Variants in COMMD6 observed in about 807,000 individuals in gnomAD.
COMMD6 encodes the protein COMM domain-containing protein 6.
A neutral mutation model predicts 13.4 loss-of-function variants in COMMD6; 11 were observed. That is an observed-to-expected ratio of 0.82 (90% CI 0.52 to 1.36). The LOEUF (loss-of-function observed/expected upper bound fraction) is 1.36. Among genes scored for constraint, COMMD6 ranks in the 40% most tolerant of loss-of-function variants. The pLI, the probability that COMMD6 is intolerant of heterozygous loss-of-function variation, is 0.00. For missense variants in COMMD6, 124 were observed against 102.4 expected (o/e 1.21, Z -0.91); for synonymous variants, 43 against 36.5 (o/e 1.18, Z -0.64).
upstream of COMMD6, chr13:75,537,930 G>T (rs1312453390): frequency 9.8e-6 from 9 of 914,696 alleles, no homozygotes; most frequent in African/African-American, 1.6e-5. Context: ...GCTGAAAAAA[G>T]CATCTTTATG....
intron 1 of COMMD6, among the ~76,000 whole-genome samples, chr13:75,544,212 G>C (rs1479028131): frequency 6.6e-6 from 1 of 152,118 alleles, no homozygotes; most frequent in Non-Finnish European, 1.5e-5. Context: ...GGAAGTTTTA[G>C]AGTTTAAAGT....
chr13:75,537,583 G>C, intron 2 of COMMD6, 81 bp downstream of exon 2: 1 of 1,606,484 alleles, frequency 6.2e-7, no homozygotes. Flanking sequence ...GGGGAGACCT[G>C]GGGAAGGCTC....
chr13:75,528,645 C>T (rs1315648441), intron 3 of COMMD6, among the ~76,000 whole-genome samples: 5 of 151,936 alleles, frequency 3.3e-5, no homozygotes, highest in African/African-American at 1.2e-4. Context: ...AGTTTCAGAC[C>T]AGCCTGGCCA....
intron 3 of COMMD6, among the ~76,000 whole-genome samples, chr13:75,528,106 T>G (rs1278741593): frequency 6.6e-6 from 1 of 151,738 alleles, no homozygotes; most frequent in African/African-American, 2.4e-5. Context: ...AGAGTGACTG[T>G]GGTAATCTTT....
At chr13:75,540,680 T>A (rs980865963), upstream of COMMD6, among the ~76,000 whole-genome samples, 1 of 152,212 alleles carries the variant, frequency 6.6e-6, no homozygotes, top group Non-Finnish European at 1.5e-5. Flanking sequence ...AAAATACAGA[T>A]GTTATCAATA....
chr13:75,543,143 A>G, upstream of COMMD6, among the ~76,000 whole-genome samples: 1 of 152,238 alleles, frequency 6.6e-6, no homozygotes. Context: ...ATACATGAAC[A>G]TAAAGAAAGG....
At chr13:75,536,147 TAC>T (rs1471772253) in intron 2 of COMMD6, among the ~76,000 whole-genome samples, 1 of 152,224 alleles carries the variant, frequency 6.6e-6, no homozygotes, top group African/African-American at 2.4e-5. Flanking sequence ...GCCCTGAGCT[TAC>T]AGTCATGAGC....
chr13:75,537,572 A>T, intron 2 of COMMD6, 92 bp downstream of exon 2: 1 of 1,589,988 alleles, frequency 6.3e-7, no homozygotes, highest in East Asian at 2.3e-5. Context: ...ACACAGGACT[A>T]GGGGAGACCT....
upstream of COMMD6, among the ~76,000 whole-genome samples, chr13:75,539,949 G>C (rs1034785765): frequency 6.7e-6 from 1 of 150,182 alleles, no homozygotes; most frequent in Non-Finnish European, 1.5e-5. Flanking sequence ...TCAGTGTGTC[G>C]GTTCTTTTTG....
chr13:75,533,599 G>C (rs2030567722), intron 2 of COMMD6, among the ~76,000 whole-genome samples: 1 of 150,674 alleles, frequency 6.6e-6, no homozygotes, highest in Non-Finnish European at 1.5e-5. Flanking sequence ...GAGAGAGAGA[G>C]AGATATTCTT....
intron 3 of COMMD6, among the ~76,000 whole-genome samples, chr13:75,529,389 T>C (rs183512163): frequency 1.6e-4 from 24 of 151,846 alleles, no homozygotes; most frequent in East Asian, 9.7e-4. Context: ...GGCATGGTGG[T>C]GGGCGCCTGT....
At chr13:75,527,025 T>C (rs1406458278) in intron 3 of COMMD6, among the ~76,000 whole-genome samples, 1 of 152,214 alleles carries the variant, frequency 6.6e-6, no homozygotes, top group East Asian at 1.9e-4. Flanking sequence ...AAGGGCTATC[T>C]CATTTAAGAT....
At chr13:75,529,554 C>CTGATTTA (rs2030396478) in intron 3 of COMMD6, among the ~76,000 whole-genome samples, 1 of 146,736 alleles carries the variant, frequency 6.8e-6, no homozygotes, top group African/African-American at 2.5e-5. Context: ...AAAAGAAAAC[C>CTGATTTA]TGATTTATTC....
intron 1 of COMMD6, among the ~76,000 whole-genome samples, chr13:75,545,058 G>A (rs539181968): frequency 2.0e-5 from 3 of 152,142 alleles, no homozygotes; most frequent in Non-Finnish European, 4.4e-5. Context: ...GCCTAATTAC[G>A]TAAGGCATTG....
intron 1 of COMMD6, among the ~76,000 whole-genome samples, chr13:75,544,446 G>T (rs2030871308): frequency 6.6e-6 from 1 of 152,128 alleles, no homozygotes; most frequent in African/African-American, 2.4e-5. Flanking sequence ...TCGGCTTAAA[G>T]GTTGAAGAGT....
intron 2 of COMMD6, among the ~76,000 whole-genome samples, chr13:75,534,478 A>G (rs1398429341): frequency 6.6e-6 from 1 of 152,212 alleles, no homozygotes; most frequent in Non-Finnish European, 1.5e-5. Context: ...ACCTTCTAAT[A>G]AGTGTGGTTT....
intron 2 of COMMD6, among the ~76,000 whole-genome samples, chr13:75,532,933 G>GT (rs1418511938): frequency 0.012 from 1,558 of 134,556 alleles, 15 homozygotes; most frequent in African/African-American, 0.03. Context: ...TTTTTGTTTT[G>GT]TTTTTTTTTT....
intron 2 of COMMD6, chr13:75,537,322 ATGTT>A (rs778219580): frequency 3.2e-6 from 5 of 1,548,780 alleles, no homozygotes; most frequent in Non-Finnish European, 4.4e-6. Flanking sequence ...GACTAAGAAA[ATGTT>A]TGCGGTGCTA....
At chr13:75,538,376 A>G (rs973706417), upstream of COMMD6, among the ~76,000 whole-genome samples, 6 of 152,294 alleles carry the variant, frequency 3.9e-5, no homozygotes, top group Admixed American at 2.0e-4. Context: ...CCTCTTTCCT[A>G]TTGACCTCAA....
Sources: gnomAD v4.1 joint callset for allele counts (sites outside exome capture counted in the v4.1 genomes callset) on GRCh38, gnomAD v4.1.1 for gene constraint, MANE v1.5 for transcripts, NCBI Gene and HGNC (gene_info 2026-07-23, HGNC 2026-07-21) for gene names.